Variants in TAFA1 observed in about 807,000 individuals in gnomAD.
The protein encoded by TAFA1 is chemokine-like protein TAFA-1.
A neutral mutation model predicts 18.5 loss-of-function variants in TAFA1; 4 were observed. That is an observed-to-expected ratio of 0.22 (90% confidence interval 0.11 to 0.49). The LOEUF (loss-of-function observed/expected upper bound fraction) is 0.49, where lower values mean the gene tolerates loss of function less well. Among genes scored for constraint, TAFA1 ranks in the 20% least tolerant of loss-of-function variants. The pLI is 0.98. For synonymous variants in TAFA1, 56 were observed against 55.2 expected (o/e 1.01, Z -0.06); for missense variants, 147 against 169.0 (o/e 0.87, Z 0.72).
At chr3:68,282,801 G>A (rs1054952035) in intron 2 of TAFA1, among the ~76,000 whole-genome samples, 2 of 152,152 alleles carry the variant, frequency 1.3e-5, no homozygotes, top group Non-Finnish European at 2.9e-5. Context: ...ATTTCAATGA[G>A]ATGATCTGAA....
At chr3:68,049,610 T>C (rs1392471244) in intron 2 of TAFA1, among the ~76,000 whole-genome samples, 1 of 151,804 alleles carries the variant, frequency 6.6e-6, no homozygotes, top group Non-Finnish European at 1.5e-5. Flanking sequence ...TACTTGGAGT[T>C]GGAGGGAATA....
chr3:68,325,034 T>C (rs1255015854), intron 2 of TAFA1, among the ~76,000 whole-genome samples: 1 of 152,196 alleles, frequency 6.6e-6, no homozygotes, highest in East Asian at 1.9e-4. Flanking sequence ...AAGGGCATCA[T>C]GGTCTACTGC....
intron 2 of TAFA1, among the ~76,000 whole-genome samples, chr3:68,231,185 A>AT (rs1038972413): frequency 1.1e-4 from 17 of 152,092 alleles, no homozygotes; most frequent in Non-Finnish European, 2.4e-4. Context: ...GTACACATGT[A>AT]TTTTTTCTGA....
chr3:68,327,356 G>T (rs906251168), intron 2 of TAFA1, among the ~76,000 whole-genome samples: 1 of 152,084 alleles, frequency 6.6e-6, no homozygotes, highest in East Asian at 1.9e-4. Flanking sequence ...ATCATTTACA[G>T]TTCTAGCAGA....
intron 2 of TAFA1, among the ~76,000 whole-genome samples, chr3:68,329,670 C>T (rs1255058640): frequency 2.6e-5 from 4 of 152,146 alleles, no homozygotes; most frequent in African/African-American, 9.7e-5. Flanking sequence ...GCTCAAGGAA[C>T]ACATCTTCAA....
chr3:68,047,981 C>T (rs1383700398), intron 2 of TAFA1, among the ~76,000 whole-genome samples: 1 of 152,038 alleles, frequency 6.6e-6, no homozygotes, highest in Non-Finnish European at 1.5e-5. Context: ...CTGCAGTAAC[C>T]ATCTTCTGAG....
At chr3:68,082,619 A>T (rs143930940) in intron 2 of TAFA1, among the ~76,000 whole-genome samples, 20 of 152,360 alleles carry the variant, frequency 1.3e-4, no homozygotes, top group Admixed American at 1.2e-3. Flanking sequence ...AGTTAGTACC[A>T]AAGCAATTGC....
chr3:68,327,545 C>G (rs2068796844), intron 2 of TAFA1, among the ~76,000 whole-genome samples: 1 of 152,186 alleles, frequency 6.6e-6, no homozygotes, highest in South Asian at 2.1e-4. Flanking sequence ...TATGAAACAT[C>G]TCTAAGCTTC....
At chr3:68,507,239 C>G (rs550539861) in intron 3 of TAFA1, among the ~76,000 whole-genome samples, 50 of 151,832 alleles carry the variant, frequency 3.3e-4, no homozygotes, top group Non-Finnish European at 4.4e-4. Flanking sequence ...CCACTGGGCC[C>G]TAAAACTAAA....
At chr3:68,169,503 C>T (rs1259937420) in intron 2 of TAFA1, among the ~76,000 whole-genome samples, 2 of 152,230 alleles carry the variant, frequency 1.3e-5, no homozygotes, top group South Asian at 2.1e-4. Flanking sequence ...GATCACATAT[C>T]CCTGAACATC....
intron 2 of TAFA1, among the ~76,000 whole-genome samples, chr3:68,326,240 TA>T (rs2068775837): frequency 6.6e-6 from 1 of 152,208 alleles, no homozygotes; most frequent in Non-Finnish European, 1.5e-5. Context: ...CTGATACTAT[TA>T]TTGAACAAAA....
intron 3 of TAFA1, among the ~76,000 whole-genome samples, chr3:68,486,078 TTTTATTTTATTTTATTTTATTTTG>T (rs1261733890): frequency 0.019 from 1,720 of 90,634 alleles, 21 homozygotes; most frequent in African/African-American, 0.047. Context: ...TTTATTTTTA[TTTTATTTTATTTTATTTTATTTTG>T]TTTTATTTTA....
chr3:68,033,184 A>C (rs1472443814), intron 2 of TAFA1, among the ~76,000 whole-genome samples: 1 of 152,148 alleles, frequency 6.6e-6, no homozygotes, highest in African/African-American at 2.4e-5. Context: ...CCATTGACCT[A>C]GTTGCTATTT....
intron 2 of TAFA1, among the ~76,000 whole-genome samples, chr3:68,231,288 T>TTATTA: frequency 6.6e-6 from 1 of 152,126 alleles, no homozygotes; most frequent in Non-Finnish European, 1.5e-5. Flanking sequence ...AATTATCCTT[T>TTATTA]TATTATATTT....
intron 2 of TAFA1, among the ~76,000 whole-genome samples, chr3:68,326,252 C>T (rs1016078439): frequency 3.3e-5 from 5 of 152,124 alleles, no homozygotes; most frequent in South Asian, 2.1e-4. Context: ...TTGAACAAAA[C>T]CAACTTTTGA....
chr3:68,255,507 A>G (rs2067280068), intron 2 of TAFA1, among the ~76,000 whole-genome samples: 1 of 152,012 alleles, frequency 6.6e-6, no homozygotes, highest in Admixed American at 6.6e-5. Context: ...CTTCGATGTG[A>G]CATTTATTGT....
At chr3:68,508,525 T>C (rs1277975512) in intron 3 of TAFA1, among the ~76,000 whole-genome samples, 1 of 152,078 alleles carries the variant, frequency 6.6e-6, no homozygotes, top group Admixed American at 6.6e-5. Context: ...GTCAAGCATC[T>C]TTTCCAGTGA....
intron 2 of TAFA1, among the ~76,000 whole-genome samples, chr3:68,049,166 C>T (rs1181457463): frequency 6.6e-6 from 1 of 152,192 alleles, no homozygotes; most frequent in Non-Finnish European, 1.5e-5. Flanking sequence ...CTTAATTACT[C>T]ATTTTCTCTA....
intron 2 of TAFA1, among the ~76,000 whole-genome samples, chr3:68,011,292 T>C (rs1704466340): frequency 6.6e-6 from 1 of 152,160 alleles, no homozygotes; most frequent in Non-Finnish European, 1.5e-5. Context: ...CATTTATTCC[T>C]GAGTCACTGC....
Sources: allele counts gnomAD v4.1 joint callset (sites outside exome capture counted in the v4.1 genomes callset), GRCh38; gene constraint gnomAD v4.1.1; transcripts MANE v1.5; gene names NCBI Gene and HGNC (gene_info 2026-07-23, HGNC 2026-07-21).